Variants in COA1 observed in about 807,000 individuals in gnomAD.
COA1 encodes the protein cytochrome c oxidase assembly factor 1.
Under a neutral mutation model 16.0 loss-of-function variants are expected in COA1, and 13 were observed. The ratio of observed to expected loss-of-function variants is 0.81; its 90% CI spans 0.53 to 1.29. The LOEUF (loss-of-function observed/expected upper bound fraction) is 1.29. Ranked by LOEUF, COA1 falls within the 50% of genes most tolerant of loss-of-function variation. The pLI, the probability that COA1 is intolerant of heterozygous loss-of-function variation, is 0.00. For missense variants in COA1, 179 were observed against 177.0 expected, an observed-to-expected ratio of 1.01 and a Z score of -0.06; for synonymous variants, 65 against 65.7, an observed-to-expected ratio of 0.99 and a Z score of 0.05.
intron 6 of COA1, chr7:43,624,694 T>C: frequency 1.2e-6 from 2 of 1,614,140 alleles, no homozygotes; most frequent in East Asian, 4.5e-5. Context: ...GAATCCATTG[T>C]AACCGAAGAG....
intron 1 of COA1, among the ~76,000 whole-genome samples, chr7:43,691,421 AAAAGAAAGAAAGAAAGAAAG>A (rs375210311): frequency 0.024 from 2,068 of 87,382 alleles, 43 homozygotes; most frequent in Middle Eastern, 0.092. Flanking sequence ...GGAAGAAAGA[AAAAGAAAGAAAGAAAGAAAG>A]AAAGAAAGAA....
intron 1 of COA1, among the ~76,000 whole-genome samples, chr7:43,715,627 T>A (rs2095375550): frequency 1.3e-5 from 2 of 152,214 alleles, no homozygotes; most frequent in Non-Finnish European, 2.9e-5. Context: ...TGTTGAAGTA[T>A]CCCACAAAAA....
At chr7:43,623,669 T>C (rs771427938) in intron 6 of COA1, 1 of 1,604,972 alleles carries the variant, frequency 6.2e-7, no homozygotes, top group African/African-American at 1.3e-5. Context: ...AAGAAATGAG[T>C]ATGGTACTAA....
intron 1 of COA1, among the ~76,000 whole-genome samples, chr7:43,692,905 C>T (rs2094419702): frequency 6.6e-6 from 1 of 152,048 alleles, no homozygotes. Context: ...GCTTGGGATA[C>T]AACCCTGACT....
intron 1 of COA1, among the ~76,000 whole-genome samples, chr7:43,685,192 G>C (rs1436380432): frequency 6.7e-6 from 1 of 149,992 alleles, no homozygotes; most frequent in East Asian, 2.0e-4. Flanking sequence ...TAAATAAAAT[G>C]TGTGTCTCTT....
chr7:43,710,670 C>T (rs2095215603), intron 1 of COA1, among the ~76,000 whole-genome samples: 1 of 152,046 alleles, frequency 6.6e-6, no homozygotes, highest in African/African-American at 2.4e-5. Flanking sequence ...TCTCCCAACT[C>T]CAATAGGTAT....
chr7:43,645,392 A>T lies in COA1; in HGVS notation c.123T>A (p.His41Gln). 6.2e-7 allele frequency: 1 copy of T among 1,614,032 alleles called. No individual in the cohort carries two copies. The highest frequency in any genetic ancestry group is 8.5e-7 in the Non-Finnish European group (1 of 1,179,914). Residue 41 changes from histidine to glutamine, a missense_variant, in exon 4 of 6, where the codon CAT becomes CAA. His to Gln is a conservative substitution (Grantham distance 24). Transcript: ENST00000223336. ...CCAACTTGTAATATAAAGCCCTGGA[A>T]TGAAACTCTAAGGACGAAAGACACA... is the stretch of plus-strand genomic sequence containing the variant. ...AIVYYLIQKF[H>Q]SRALYYKLAV...
At position 43,609,319 on chromosome 7, in the gene COA1, G is replaced by A. The variant is rs183745478; in HGVS notation, c.*310C>T. On this transcript the variant is annotated 3_prime_UTR_variant and NMD_transcript_variant, in exon 7 of 7. Coordinates refer to the COA1 transcript ENST00000415076. ...TGAGATTCACTCTGATTACACCAGC[G>A]TAGATCAATTTGGAACCAGTAAGTG... is the stretch of plus-strand genomic sequence containing the variant. 4.6e-5 allele frequency: 7 copies of A among 152,406 alleles called. No homozygotes were observed. In the East Asian group the frequency reaches 5.8e-4, roughly 13 times the overall value. 9.4% of individuals were successfully genotyped at this position (152,406 alleles called of 1,614,324 possible).
At chr7:43,728,998 G>A (rs1046296966) in intron 1 of COA1, among the ~76,000 whole-genome samples, 5 of 152,204 alleles carry the variant, frequency 3.3e-5, no homozygotes, top group African/African-American at 1.2e-4. Flanking sequence ...TTCAAGTGTG[G>A]TGGGGACAAA....
Position 43,647,568 on chromosome 7 carries a change from C to T in COA1, c.82G>A (p.Gly28Arg), listed in dbSNP as rs140065703. Residue 28 changes from glycine (G) to arginine (R), a missense_variant, in exon 3 of 6, where the codon GGG becomes AGG. Coordinates refer to ENST00000223336, the MANE Select transcript of COA1 (RefSeq NM_018224.4). ...RILFHGVFYA[G>R]GFAIVYYLIQ... is the part of the protein sequence containing the mutation. The stretch of plus-strand genomic sequence containing the variant: ...AGGTAATACACAATGGCAAAGCCCC[C>T]GGCATAGAACACACCGTGGAAAAGG... 40 of 1,613,824 alleles carry T rather than the reference C, an allele frequency of 2.5e-5. No individual in the cohort carries two copies. The African/African-American group carries it at 3.5e-4, about 14-fold the overall frequency.
At chr7:43,615,510 G>A (rs1252254357) in intron 6 of COA1, among the ~76,000 whole-genome samples, 1 of 152,054 alleles carries the variant, frequency 6.6e-6, no homozygotes, top group African/African-American at 2.4e-5. Flanking sequence ...ATTAACATAC[G>A]AAAACTAAAA....
At chr7:43,611,416 A>G (rs2082866881) in intron 6 of COA1, among the ~76,000 whole-genome samples, 1 of 152,214 alleles carries the variant, frequency 6.6e-6, no homozygotes, top group Non-Finnish European at 1.5e-5. Flanking sequence ...CAGTAGCCAC[A>G]TGGTACACAG....
At chr7:43,651,689 TAAAAA>T (rs539990413) in intron 1 of COA1, among the ~76,000 whole-genome samples, 1 of 107,186 alleles carries the variant, frequency 9.3e-6, no homozygotes, top group African/African-American at 3.8e-5. Context: ...AGGAAGAGCT[TAAAAA>T]AAAAAAAAAA....
chr7:43,692,424 G>A (rs2094402441), intron 1 of COA1, among the ~76,000 whole-genome samples: 1 of 152,034 alleles, frequency 6.6e-6, no homozygotes, highest in South Asian at 2.1e-4. Flanking sequence ...AGGCTGAGCT[G>A]GGAAGATCGA....
chr7:43,649,558 C>A (rs1584399628), intron 1 of COA1: 1 of 152,188 alleles, frequency 6.6e-6, no homozygotes, highest in African/African-American at 2.4e-5. Context: ...AGGGTCTGAT[C>A]TGGTCAGACA....
chr7:43,691,301 G>A (rs1222496198), intron 1 of COA1, among the ~76,000 whole-genome samples: 1 of 93,614 alleles, frequency 1.1e-5, no homozygotes, highest in Non-Finnish European at 2.1e-5. Context: ...AAGAAAGAAA[G>A]AAAGAAAGAA....
chr7:43,643,414 G>C (rs2087730269), intron 4 of COA1, among the ~76,000 whole-genome samples: 1 of 152,236 alleles, frequency 6.6e-6, no homozygotes, highest in Admixed American at 6.5e-5. Flanking sequence ...GTCTAGCCAA[G>C]TGACCAAAGG....
intron 5 of COA1, among the ~76,000 whole-genome samples, chr7:43,640,281 G>A (rs1388061569): frequency 6.6e-6 from 1 of 152,236 alleles, no homozygotes; most frequent in Non-Finnish European, 1.5e-5. Context: ...CAAGTGAGAA[G>A]CTGTAACATA....
intron 6 of COA1, chr7:43,622,624 A>C (rs1161080849): frequency 6.6e-6 from 1 of 151,856 alleles, no homozygotes; most frequent in Non-Finnish European, 1.5e-5. Flanking sequence ...ATTTTTCCTG[A>C]ATCCTTGCAT....
Sources: allele counts gnomAD v4.1 joint callset (sites outside exome capture counted in the v4.1 genomes callset), GRCh38; gene constraint gnomAD v4.1.1; transcripts MANE v1.5; gene names NCBI Gene and HGNC (gene_info 2026-07-23, HGNC 2026-07-21).